Variants in CAMKMT observed in about 807,000 individuals in gnomAD.
The protein encoded by CAMKMT is CaM KMT.
A neutral mutation model predicts 48.0 loss-of-function variants in CAMKMT; 53 were observed. The ratio of observed to expected loss-of-function variants is 1.10; its 90% CI spans 0.89 to 1.39. CAMKMT has a LOEUF of 1.39. Among genes scored for constraint, CAMKMT ranks in the 40% most tolerant of loss-of-function variants. CAMKMT has a pLI of 0.00. For missense variants in CAMKMT, 428 were observed against 402.7 expected (o/e 1.06, Z -0.54); for synonymous variants, 165 against 152.3 (o/e 1.08, Z -0.61).
At chr2:44,449,082 C>G (rs142647902) in intron 3 of CAMKMT, among the ~76,000 whole-genome samples, 2 of 152,204 alleles carry the variant, frequency 1.3e-5, no homozygotes, top group Admixed American at 6.6e-5. Flanking sequence ...ACACAAAAAA[C>G]TATTAAGTTG....
chr2:44,419,929 G>A (rs769171405), intron 3 of CAMKMT, among the ~76,000 whole-genome samples: 7 of 151,826 alleles, frequency 4.6e-5, no homozygotes, highest in Non-Finnish European at 5.9e-5. Context: ...GCAAAGAGTC[G>A]TCTCACAGTC....
chr2:44,475,289 A>G lies in CAMKMT; in HGVS notation c.376+84984A>G, dbSNP rs188704366. On this transcript the variant is annotated intron_variant, in intron 3 of 10. Coordinates refer to ENST00000378494, the MANE Select transcript of CAMKMT (RefSeq NM_024766.5). ...GAATGGACCTTATTTGAAAAGTTGAAGTTTTTAAATAGTAAGAATATAGGT... is the reference window on the plus strand; with the variant it reads ...GAATGGACCTTATTTGAAAAGTTGAGGTTTTTAAATAGTAAGAATATAGGT... 3.8e-3 allele frequency among the ~76,000 whole-genome samples: 572 copies of G among 151,396 alleles called. 2 individuals are homozygous for G. Among genetic ancestry groups the G allele is most frequent in the African/African-American group, 0.013 (544 of 41,176 alleles).
At position 44,754,465 on chromosome 2, in the gene CAMKMT, A is replaced by G. The variant is rs182317619; in HGVS notation, c.762+347A>G. On this transcript the variant is annotated intron_variant, in intron 9 of 10. Transcript: ENST00000378494. ...GTATGATATTGAAAGTTTTCTGTTGACTTCTGTCATTTTCAATTCCTTCAA... is the reference window on the plus strand; with the variant it reads ...GTATGATATTGAAAGTTTTCTGTTGGCTTCTGTCATTTTCAATTCCTTCAA... Among the ~76,000 whole-genome samples the G allele has an allele frequency of 2.6e-5, 4 of 152,322 alleles. No individual in the cohort carries two copies. In the East Asian group the frequency reaches 7.7e-4, roughly 29 times the overall value.
intron 3 of CAMKMT, among the ~76,000 whole-genome samples, chr2:44,501,385 G>T (rs1198041750): frequency 1.3e-5 from 2 of 152,112 alleles, no homozygotes; most frequent in Admixed American, 6.5e-5. Flanking sequence ...GTGTGCCAGA[G>T]AATATAAAGG....
At chr2:44,704,364 T>C (rs747685827) in intron 4 of CAMKMT, 21 bp downstream of exon 4, 1 of 1,524,366 alleles carries the variant, frequency 6.6e-7, no homozygotes, top group Non-Finnish European at 8.9e-7. Flanking sequence ...GCACTTAAGA[T>C]ATTTTTTAGC....
chr2:44,439,899 C>T (rs1007776881), intron 3 of CAMKMT, among the ~76,000 whole-genome samples: 1 of 152,074 alleles, frequency 6.6e-6, no homozygotes, highest in Non-Finnish European at 1.5e-5. Flanking sequence ...TGCTATAAGT[C>T]AAGAAATGTC....
chr2:44,764,507 A>C (rs949695259), intron 9 of CAMKMT, among the ~76,000 whole-genome samples: 6 of 151,960 alleles, frequency 3.9e-5, no homozygotes, highest in South Asian at 2.1e-4. Flanking sequence ...ATCAGCGAGG[A>C]TGGGTTAAGG....
At chr2:44,419,228 T>C (rs940998346) in intron 3 of CAMKMT, among the ~76,000 whole-genome samples, 11 of 152,210 alleles carry the variant, frequency 7.2e-5, no homozygotes, top group Non-Finnish European at 1.3e-4. Context: ...TTAGATGCAC[T>C]TAGATGAGAT....
In CAMKMT at chr2:44,407,540, G is replaced by C. The variant is rs187187650; in HGVS notation, c.376+17235G>C. Among the ~76,000 whole-genome samples the C allele has an allele frequency of 2.7e-3, 411 of 152,266 alleles. 1 individual carries two copies. Among genetic ancestry groups the C allele is most frequent in the African/African-American group, 9.4e-3 (390 of 41,560 alleles). On this transcript the variant is annotated intron_variant, in intron 3 of 10. Coordinates refer to ENST00000378494, the MANE Select transcript of CAMKMT (RefSeq NM_024766.5). The stretch of plus-strand genomic sequence containing the variant: ...GCAAGGTAAGAATGAGGTGGAGATT[G>C]TCTTGGCCAAGTTAACCTTATGAAC...
intron 3 of CAMKMT, among the ~76,000 whole-genome samples, chr2:44,611,307 C>A (rs1164701436): frequency 6.6e-6 from 1 of 152,012 alleles, no homozygotes; most frequent in Non-Finnish European, 1.5e-5. Flanking sequence ...GTGGTACACA[C>A]CTGTAATCCC....
intron 3 of CAMKMT, among the ~76,000 whole-genome samples, chr2:44,703,839 A>T (rs1426425427): frequency 1.3e-5 from 2 of 152,044 alleles, no homozygotes; most frequent in Non-Finnish European, 2.9e-5. Flanking sequence ...GAATCAAACA[A>T]AAAAGTGTAG....
At chr2:44,399,792 GGAA>G (rs753485035) in intron 3 of CAMKMT, among the ~76,000 whole-genome samples, 13 of 152,230 alleles carry the variant, frequency 8.5e-5, no homozygotes, top group Admixed American at 6.5e-4. Flanking sequence ...TAGGTAGACT[GGAA>G]GAAGAAGAGA....
At chr2:44,568,106 T>C (rs1668711422) in intron 3 of CAMKMT, among the ~76,000 whole-genome samples, 2 of 152,058 alleles carry the variant, frequency 1.3e-5, no homozygotes, top group Admixed American at 1.3e-4. Context: ...AAGTAACAGT[T>C]GAGCATAAAT....
intron 9 of CAMKMT, among the ~76,000 whole-genome samples, chr2:44,757,281 C>T (rs1276251680): frequency 6.6e-6 from 1 of 152,124 alleles, no homozygotes; most frequent in African/African-American, 2.4e-5. Context: ...CTCCATTATC[C>T]CCAAAGAGGG....
chr2:44,651,097 G>T (rs979716415), intron 3 of CAMKMT, among the ~76,000 whole-genome samples: 1 of 152,168 alleles, frequency 6.6e-6, no homozygotes, highest in Non-Finnish European at 1.5e-5. Context: ...GATATAAATT[G>T]ATATAATCCT....
chr2:44,495,415 A>T (rs548135259), intron 3 of CAMKMT, among the ~76,000 whole-genome samples: 8 of 152,322 alleles, frequency 5.3e-5, no homozygotes, highest in African/African-American at 1.7e-4. Context: ...AAGTGCTGGA[A>T]TTAAAGATGT....
At position 44,482,504 on chromosome 2, in the gene CAMKMT, A is replaced by G. The variant is rs981793601; in HGVS notation, c.376+92199A>G. Among the ~76,000 whole-genome samples, 20 of 152,314 alleles carry G rather than the reference A, an allele frequency of 1.3e-4. No homozygotes were observed. In the East Asian group the frequency reaches 3.9e-3, roughly 29 times the overall value. On this transcript the variant is annotated intron_variant, in intron 3 of 10. Coordinates refer to ENST00000378494, the MANE Select transcript of CAMKMT (RefSeq NM_024766.5). ...AGCTTTCTGATTACCTGGGTACTACATAAATAAGAGTGTTAACACTAATTT... is the reference window on the plus strand; with the variant it reads ...AGCTTTCTGATTACCTGGGTACTACGTAAATAAGAGTGTTAACACTAATTT...
chr2:44,768,362 T>TATATA lies in CAMKMT; in HGVS notation c.894+1801_894+1802insATATA, dbSNP rs1491157479. Among the ~76,000 whole-genome samples the TATATA allele has an allele frequency of 2.2e-3, 161 of 74,286 alleles. 1 individual carries two copies. Among genetic ancestry groups the TATATA allele is most frequent in the African/African-American group, 3.4e-3 (58 of 17,184 alleles). 48.7% of individuals were successfully genotyped at this position (74,286 alleles called of 152,430 possible). Reference sequence around the variant, plus strand: ...CCCATGATATATATATATATATATATTTTTTTTTTTTTTTTAATAATGAGA... The same window carrying TATATA: ...CCCATGATATATATATATATATATATATATATTTTTTTTTTTTTTTAATAATGAGA... On this transcript the variant is annotated intron_variant, in intron 10 of 10. Transcript: ENST00000378494.
At chr2:44,442,707 G>A (rs960244469) in intron 3 of CAMKMT, among the ~76,000 whole-genome samples, 4 of 152,170 alleles carry the variant, frequency 2.6e-5, no homozygotes, top group African/African-American at 7.2e-5. Flanking sequence ...CTTCAGGCCA[G>A]TGGTTCTATC....
Sources: gnomAD v4.1 joint callset for allele counts (sites outside exome capture counted in the v4.1 genomes callset) on GRCh38, gnomAD v4.1.1 for gene constraint, MANE v1.5 for transcripts, NCBI Gene and HGNC (gene_info 2026-07-23, HGNC 2026-07-21) for gene names.